The following WDR19 variants were observed in gnomAD, a reference collection of about 807,000 sequenced individuals.
The protein encoded by WDR19 is WD repeat-containing protein 19.
WDR19 carries 121 observed loss-of-function variants against 180.0 expected under a neutral mutation model. The ratio of observed to expected loss-of-function variants is 0.67; its 90% CI spans 0.58 to 0.78. The LOEUF is 0.78. Ranked by LOEUF, WDR19 falls within the 30% of genes least tolerant of loss-of-function variation. The pLI is 0.00. For missense variants in WDR19, 1,450 were observed against 1,640.7 expected (o/e 0.88, Z 2.01); for synonymous variants, 497 against 540.7 (o/e 0.92, Z 1.12).
intron 35 of WDR19, 158 bp from the exon 36 acceptor site, chr4:39,278,381 G>A: frequency 1.2e-6 from 1 of 808,686 alleles, no homozygotes. Flanking sequence ...CTTTAAAGAG[G>A]ATCTTGCATG....
chr4:39,232,949 A>G (rs1414766843), intron 19 of WDR19, among the ~76,000 whole-genome samples: 4 of 152,332 alleles, frequency 2.6e-5, no homozygotes, highest in Admixed American at 1.3e-4. Context: ...TGAAATCTAA[A>G]TGTGTCCAAA....
At position 39,257,534 on chromosome 4, in the gene WDR19, A is replaced by G. The variant is rs1733880090; in HGVS notation, c.3163A>G (p.Ile1055Val). The change falls in exon 28 of 37, where the codon ATA becomes GTA. Residue 1055 changes from isoleucine (I) to valine (V), a missense_variant. Physicochemically the swap from Ile to Val is conservative, Grantham distance 29. Coordinates refer to ENST00000399820, the MANE Select transcript of WDR19 (RefSeq NM_025132.4). ...KCPSSEDNVA[I>V]EMAIETVGQA... ...CCCAAGCTCGGAAGATAATGTGGCA[A>G]TAGAAATGGCAATTGAAACTGTAAG... The G allele has an allele frequency of 6.3e-7, 1 of 1,589,582 alleles. No individual in the cohort carries two copies. The highest frequency in any genetic ancestry group is 1.8e-5 in the Admixed American group (1 of 56,816).
chr4:39,257,281 A>G (rs1251462945), intron 27 of WDR19, among the ~76,000 whole-genome samples: 1 of 152,220 alleles, frequency 6.6e-6, no homozygotes, highest in African/African-American at 2.4e-5. Flanking sequence ...TAGATTCTTC[A>G]GAGGGTTAAC....
Position 39,274,657 on chromosome 4 carries a change from T to C in WDR19, c.3566-151T>C. On this transcript the variant is annotated intron_variant, in intron 32 of 36. Transcript: ENST00000399820. The stretch of plus-strand genomic sequence containing the variant: ...CTGACCCCACAGCTACGTACTTTCC[T>C]CATTAAACAGATCATATCTGGTTCT... The C allele has an allele frequency of 6.8e-6, 6 of 879,252 alleles. No homozygotes were observed. The South Asian group carries it at 1.1e-4, about 15-fold the overall frequency. 54.5% of individuals were successfully genotyped at this position (879,252 alleles called of 1,614,324 possible).
chr4:39,268,696 G>A (rs1735044953), intron 30 of WDR19, among the ~76,000 whole-genome samples: 1 of 152,126 alleles, frequency 6.6e-6, no homozygotes, highest in Admixed American at 6.5e-5. Flanking sequence ...ACTTTATTCA[G>A]CTTACGTTGA....
chr4:39,245,112 A>G (rs1267120167), intron 23 of WDR19, among the ~76,000 whole-genome samples: 19 of 138,502 alleles, frequency 1.4e-4, no homozygotes, highest in Non-Finnish European at 2.9e-4. Flanking sequence ...TAATTTTTGT[A>G]TTTTTTTTTT....
At chr4:39,191,118 CG>C (rs1422185815) in intron 4 of WDR19, among the ~76,000 whole-genome samples, 1 of 152,030 alleles carries the variant, frequency 6.6e-6, no homozygotes, top group East Asian at 1.9e-4. Context: ...TAGATGTTAT[CG>C]TAATTGTCAT....
rs1044246272 is a variant in WDR19 at position 39,194,766 on chromosome 4, A to G, written c.406+107A>G. The G allele has an allele frequency of 5.2e-6, 4 of 767,402 alleles. No homozygotes were observed. In the African/African-American group the frequency reaches 7.0e-5, roughly 13 times the overall value. 47.5% of individuals were successfully genotyped at this position (767,402 alleles called of 1,614,324 possible). A position where few individuals can be genotyped will look rare whatever the true frequency, so the allele number is the denominator to read the frequency against. Reference sequence around the variant, plus strand: ...CTTGCAATGGAAATTTTGCAGTACAAACCCCCTCCCCATGTCCCTCCGCAA... The same window carrying G: ...CTTGCAATGGAAATTTTGCAGTACAGACCCCCTCCCCATGTCCCTCCGCAA... On this transcript the variant is annotated intron_variant, in intron 5 of 36. Coordinates refer to ENST00000399820, the MANE Select transcript of WDR19 (RefSeq NM_025132.4).
Position 39,189,680 on chromosome 4 carries a change from T to TGCC in WDR19, c.189_190insGCC (p.Asp63_Lys64insAla). The TGCC allele has an allele frequency of 6.2e-7, 1 of 1,605,574 alleles. No individual in the cohort carries two copies. The highest frequency in any genetic ancestry group is 2.2e-5 in the East Asian group (1 of 44,482). ...GTAACTGTGTTGCCATGGATTGGGA[T>TGCC]AAAGATGGAGATGTCCTAGCAGTGA... On this transcript the variant is annotated inframe_insertion, in exon 4 of 37. Coordinates refer to ENST00000399820, the MANE Select transcript of WDR19 (RefSeq NM_025132.4).
chr4:39,265,932 T>A lies in WDR19; in HGVS notation c.3184-131T>A, dbSNP rs898642623. 5 of 697,038 alleles carry A rather than the reference T, an allele frequency of 7.2e-6. No individual in the cohort carries two copies. The African/African-American group carries it at 8.9e-5, about 12-fold the overall frequency. 43.2% of individuals were successfully genotyped at this position (697,038 alleles called of 1,614,324 possible). ...AGAAAGGCCCTGATCCTATGTCATA[T>A]TTCAGGCACTTTACTATAGATACTA... On this transcript the variant is annotated intron_variant, in intron 28 of 36. Transcript: ENST00000399820.
At chr4:39,255,072 T>TA (rs970600031) in intron 26 of WDR19, among the ~76,000 whole-genome samples, 6 of 151,882 alleles carry the variant, frequency 4.0e-5, no homozygotes, top group Non-Finnish European at 5.9e-5. Context: ...AAAACAGAGT[T>TA]AAAAAAAAGA....
At chr4:39,184,837 A>AT (rs1394292535) in intron 1 of WDR19, among the ~76,000 whole-genome samples, 1 of 152,212 alleles carries the variant, frequency 6.6e-6, no homozygotes, top group Non-Finnish European at 1.5e-5. Flanking sequence ...TGAAACTCAT[A>AT]TTCCTAAATG....
In WDR19 at chr4:39,183,250, CTTTT is replaced by C. The variant is rs113490249; in HGVS notation, c.6+704_6+707del. Among the ~76,000 whole-genome samples the C allele has an allele frequency of 7.0e-3, 555 of 79,258 alleles. 29 individuals are homozygous for C. The highest frequency in any genetic ancestry group is 0.026 in the African/African-American group (515 of 20,084). 52.0% of individuals were successfully genotyped at this position (79,258 alleles called of 152,430 possible). ...TCTGCTCTGGCAAAGAAATGGAAGG[CTTTT>C]TTTTTTTTTTTTTTTTACTGAGTCT... On this transcript the variant is annotated intron_variant, in intron 1 of 36. Transcript: ENST00000399820.
chr4:39,261,144 ATTTTT>A (rs35966394), intron 28 of WDR19, among the ~76,000 whole-genome samples: 17 of 135,208 alleles, frequency 1.3e-4, no homozygotes, highest in Middle Eastern at 3.8e-3. Flanking sequence ...ACACGCGGCT[ATTTTT>A]TTTTTTTTTT....
chr4:39,236,543 T>G (rs964236180), intron 20 of WDR19, among the ~76,000 whole-genome samples: 1 of 152,154 alleles, frequency 6.6e-6, no homozygotes, highest in Non-Finnish European at 1.5e-5. Flanking sequence ...ACACTTAAAG[T>G]CCAGACTTCA....
At chr4:39,202,934 G>T (rs1391249922) in intron 6 of WDR19, among the ~76,000 whole-genome samples, 1 of 151,922 alleles carries the variant, frequency 6.6e-6, no homozygotes, top group Non-Finnish European at 1.5e-5. Flanking sequence ...TAGAGGTTCT[G>T]GGTTAGTTTT....
rs977732090 is a variant in WDR19 at position 39,244,555 on chromosome 4, A to G, written c.2645+3A>G. 1.2e-6 allele frequency: 2 copies of G among 1,613,892 alleles called. No individual in the cohort carries two copies. The highest frequency in any genetic ancestry group is 1.7e-6 in the Non-Finnish European group (2 of 1,179,862). On this transcript the variant is annotated splice_donor_region_variant and intron_variant, in intron 23 of 36. Coordinates refer to ENST00000399820, the MANE Select transcript of WDR19 (RefSeq NM_025132.4). ...GTTTACATCCGCTCTAAGAATTGGT[A>G]AGAGCTGCCTGCGGTTTGTTTCTGA...
At chr4:39,208,420 C>T (rs941802111) in intron 9 of WDR19, among the ~76,000 whole-genome samples, 4 of 151,274 alleles carry the variant, frequency 2.6e-5, no homozygotes, top group Admixed American at 1.3e-4. Context: ...GATTCTCCTA[C>T]CTCAGCCTCC....
chr4:39,278,015 C>A, intron 34 of WDR19, 116 bp from the exon 35 acceptor site: 1 of 849,110 alleles, frequency 1.2e-6, no homozygotes, highest in Non-Finnish European at 1.9e-6. Context: ...CAATGTGCCA[C>A]TGCACTCCAG....
Sources: gnomAD v4.1 joint callset for allele counts (sites outside exome capture counted in the v4.1 genomes callset) on GRCh38, gnomAD v4.1.1 for gene constraint, MANE v1.5 for transcripts, NCBI Gene and HGNC (gene_info 2026-07-23, HGNC 2026-07-21) for gene names.